The following TMEFF1 variants were observed in gnomAD, a reference collection of about 807,000 sequenced individuals.
The protein encoded by TMEFF1 is transmembrane protein with EGF like and two follistatin like domains 1, also known as tomoregulin-1.
TMEFF1 carries 20 observed loss-of-function variants against 47.5 expected under a neutral mutation model. The ratio of observed to expected loss-of-function variants is 0.42; its 90% confidence interval spans 0.30 to 0.61. The LOEUF (loss-of-function observed/expected upper bound fraction) is 0.61, where lower values mean the gene tolerates loss of function less well. Ranked by LOEUF, TMEFF1 falls within the 20% of genes least tolerant of loss-of-function variation. The pLI is 0.19. For synonymous variants in TMEFF1, 162 were observed against 166.3 expected (o/e 0.97, Z 0.20); for missense variants, 411 against 471.1 (o/e 0.87, Z 1.18).
At chr9:100,567,538 G>A (rs1171881700) in intron 8 of TMEFF1, among the ~76,000 whole-genome samples, 1 of 152,076 alleles carries the variant, frequency 6.6e-6, no homozygotes, top group East Asian at 1.9e-4. Context: ...ATCTTTATCT[G>A]TTCTGTTCAC....
At chr9:100,485,970 C>T (rs1450869593) in intron 1 of TMEFF1, among the ~76,000 whole-genome samples, 1 of 151,318 alleles carries the variant, frequency 6.6e-6, no homozygotes, top group Non-Finnish European at 1.5e-5. Context: ...AAGTTCTTAA[C>T]GTATTCTTGT....
chr9:100,528,109 AC>A (rs1838301910), intron 5 of TMEFF1, among the ~76,000 whole-genome samples: 1 of 151,380 alleles, frequency 6.6e-6, no homozygotes, highest in Non-Finnish European at 1.5e-5. Flanking sequence ...ATCATCAAAG[AC>A]CAAAAGTAGA....
chr9:100,576,371 C>A, intron 9 of TMEFF1, 145 bp from the exon 10 acceptor site: 1 of 1,024,814 alleles, frequency 9.8e-7, no homozygotes, highest in Non-Finnish European at 1.4e-6. Flanking sequence ...TGTCTTGCAA[C>A]AGATACCATC....
intron 8 of TMEFF1, among the ~76,000 whole-genome samples, chr9:100,569,621 G>T (rs1031634488): frequency 6.6e-6 from 1 of 151,796 alleles, no homozygotes; most frequent in Non-Finnish European, 1.5e-5. Context: ...CTAATCTAAG[G>T]TCACAAAGAT....
intron 3 of TMEFF1, 89 bp from the exon 4 acceptor site, chr9:100,513,218 A>G: frequency 1.3e-6 from 2 of 1,538,126 alleles, no homozygotes; most frequent in Non-Finnish European, 8.8e-7. Flanking sequence ...TGGATATCAC[A>G]GTTTTATTTT....
chr9:100,493,096 A>G (rs1003152209), intron 1 of TMEFF1, among the ~76,000 whole-genome samples: 1 of 149,390 alleles, frequency 6.7e-6, no homozygotes, highest in Non-Finnish European at 1.5e-5. Flanking sequence ...CCCCCACAGG[A>G]TGTGGTTGCT....
At chr9:100,506,086 G>A (rs1837855161) in intron 2 of TMEFF1, among the ~76,000 whole-genome samples, 1 of 152,200 alleles carries the variant, frequency 6.6e-6, no homozygotes, top group African/African-American at 2.4e-5. Flanking sequence ...GATACTGAAT[G>A]TATAACAAAG....
At chr9:100,508,193 T>A (rs1645491166) in intron 2 of TMEFF1, among the ~76,000 whole-genome samples, 1 of 152,254 alleles carries the variant, frequency 6.6e-6, no homozygotes, top group African/African-American at 2.4e-5. Flanking sequence ...ATCTATTTTT[T>A]AAGTAATAAT....
At chr9:100,489,868 G>C (rs1053490890) in intron 1 of TMEFF1, among the ~76,000 whole-genome samples, 14 of 152,308 alleles carry the variant, frequency 9.2e-5, no homozygotes, top group African/African-American at 3.1e-4. Context: ...TCACAGCTCT[G>C]AGATCTTTGG....
At chr9:100,488,657 C>T (rs1428171809) in intron 1 of TMEFF1, among the ~76,000 whole-genome samples, 2 of 152,012 alleles carry the variant, frequency 1.3e-5, no homozygotes, top group East Asian at 1.9e-4. Context: ...TTTAATCCTC[C>T]GTCAGAATTT....
chr9:100,568,938 T>A (rs1839177926), intron 8 of TMEFF1, among the ~76,000 whole-genome samples: 1 of 152,220 alleles, frequency 6.6e-6, no homozygotes, highest in Admixed American at 6.6e-5. Flanking sequence ...TATTCCATTG[T>A]ATGGATGACA....
intron 5 of TMEFF1, among the ~76,000 whole-genome samples, chr9:100,532,724 C>G (rs1380029726): frequency 6.6e-6 from 1 of 151,786 alleles, no homozygotes; most frequent in East Asian, 1.9e-4. Context: ...TTGACCCAGC[C>G]ATCCCATTAC....
At chr9:100,533,158 C>T (rs768462108) in intron 5 of TMEFF1, among the ~76,000 whole-genome samples, 18 of 151,510 alleles carry the variant, frequency 1.2e-4, no homozygotes, top group Non-Finnish European at 2.5e-4. Flanking sequence ...TTAGTGGGTG[C>T]AGCGCACCAG....
chr9:100,576,692 T>C lies in TMEFF1; in HGVS notation c.*92T>C. ...GAAATATTTATTTCAGAGGCCTTAT[T>C]TTTGGACATTTTTAGTGTAGTACTG... On this transcript the variant is annotated 3_prime_UTR_variant, in exon 10 of 10. Transcript: ENST00000374879. 1.4e-6 allele frequency: 2 copies of C among 1,472,584 alleles called. No homozygotes were observed. The highest frequency in any genetic ancestry group is 1.8e-6 in the Non-Finnish European group (2 of 1,095,440). 91.2% of individuals were successfully genotyped at this position (1,472,584 alleles called of 1,614,324 possible).
chr9:100,518,959 TA>T (rs1334325072), intron 5 of TMEFF1, among the ~76,000 whole-genome samples: 1 of 152,222 alleles, frequency 6.6e-6, no homozygotes, highest in African/African-American at 2.4e-5. Context: ...TCTTGATTTT[TA>T]TATAAAAACC....
chr9:100,536,960 G>C (rs1315402166), intron 5 of TMEFF1, among the ~76,000 whole-genome samples: 1 of 152,166 alleles, frequency 6.6e-6, no homozygotes, highest in African/African-American at 2.4e-5. Flanking sequence ...TTGATGACTT[G>C]TCAACATTAT....
chr9:100,498,169 C>G (rs1837692480), intron 1 of TMEFF1, among the ~76,000 whole-genome samples: 1 of 152,010 alleles, frequency 6.6e-6, no homozygotes, highest in Admixed American at 6.5e-5. Context: ...TTAATTCAGT[C>G]CATTAAAAGT....
At chr9:100,517,918 C>T (rs1443167617) in intron 5 of TMEFF1, among the ~76,000 whole-genome samples, 2 of 152,078 alleles carry the variant, frequency 1.3e-5, no homozygotes, top group Non-Finnish European at 2.9e-5. Flanking sequence ...TGATGAAACA[C>T]CTTAATATAG....
chr9:100,534,740 T>TAC (rs1838470872), intron 5 of TMEFF1, among the ~76,000 whole-genome samples: 1 of 152,232 alleles, frequency 6.6e-6, no homozygotes, highest in Admixed American at 6.5e-5. Context: ...GTCTTTTTCA[T>TAC]ACATTTGATC....
Sources: allele counts gnomAD v4.1 joint callset (sites outside exome capture counted in the v4.1 genomes callset), GRCh38; gene constraint gnomAD v4.1.1; transcripts MANE v1.5; gene names NCBI Gene and HGNC (gene_info 2026-07-23, HGNC 2026-07-21).